Variants in SLC38A6 observed in about 807,000 individuals in gnomAD.
SLC38A6 encodes the protein solute carrier family 38 member 6, also known as N system amino acid transporter NAT-1.
In SLC38A6, 73 loss-of-function variants were observed where a neutral mutation model predicts 65.0. That is an observed-to-expected ratio of 1.12 (90% CI 0.93 to 1.37). The LOEUF is 1.37. Ranked by LOEUF, SLC38A6 falls within the 40% of genes most tolerant of loss-of-function variation. The probability of loss-of-function intolerance (pLI) is 0.00; values close to 1 mark genes in which losing one functional copy is unlikely to be tolerated. For missense variants in SLC38A6, 561 were observed against 531.1 expected, an observed-to-expected ratio of 1.06 and a Z score of -0.55; for synonymous variants, 183 against 178.8, an observed-to-expected ratio of 1.02 and a Z score of -0.19.
intron 5 of SLC38A6, among the ~76,000 whole-genome samples, chr14:61,020,745 T>C (rs2040303624): frequency 1.3e-5 from 2 of 152,194 alleles, no homozygotes; most frequent in Admixed American, 1.3e-4. Context: ...TTTTAAGATC[T>C]ATTTTGGAAT....
At chr14:60,981,708 C>T (rs2037040335) in intron 1 of SLC38A6, 6 of 1,328,888 alleles carry the variant, frequency 4.5e-6, no homozygotes, top group Middle Eastern at 2.0e-4. Flanking sequence ...ATTTTTGTCA[C>T]CTTATTTTCT....
intron 6 of SLC38A6, among the ~76,000 whole-genome samples, chr14:61,035,457 G>C (rs547588999): frequency 6.6e-6 from 1 of 152,154 alleles, no homozygotes; most frequent in East Asian, 1.9e-4. Flanking sequence ...GGTATATAGA[G>C]TTTTCCTCCA....
intron 3 of SLC38A6, among the ~76,000 whole-genome samples, chr14:61,014,573 C>A (rs1402992036): frequency 6.6e-6 from 1 of 152,130 alleles, no homozygotes; most frequent in Non-Finnish European, 1.5e-5. Context: ...GTGTGGATGT[C>A]CTTTCTGTTT....
At chr14:61,046,285 T>A in intron 12 of SLC38A6, 118 bp downstream of exon 12, 2 of 640,534 alleles carry the variant, frequency 3.1e-6, no homozygotes, top group Non-Finnish European at 5.5e-6. Flanking sequence ...GATCACCAAA[T>A]TACAATGCAG....
intron 2 of SLC38A6, among the ~76,000 whole-genome samples, chr14:60,983,101 T>C (rs1024278282): frequency 6.6e-6 from 1 of 152,254 alleles, no homozygotes; most frequent in Admixed American, 6.5e-5. Context: ...TTTCAGGACT[T>C]AGCTTGTAGG....
intron 4 of SLC38A6, among the ~76,000 whole-genome samples, chr14:61,018,551 G>C (rs1029498253): frequency 6.6e-6 from 1 of 152,156 alleles, no homozygotes; most frequent in Admixed American, 6.5e-5. Context: ...AATTCATGTA[G>C]AACTGAATGA....
chr14:60,989,307 C>T (rs1449026969), intron 3 of SLC38A6, among the ~76,000 whole-genome samples: 1 of 152,144 alleles, frequency 6.6e-6, no homozygotes, highest in Non-Finnish European at 1.5e-5. Context: ...TTTCTTGGCC[C>T]TTTTCTACCA....
At chr14:61,007,082 C>T (rs963303026) in intron 3 of SLC38A6, among the ~76,000 whole-genome samples, 1 of 152,058 alleles carries the variant, frequency 6.6e-6, no homozygotes, top group Non-Finnish European at 1.5e-5. Flanking sequence ...GACAAAAAAC[C>T]AAACACCACA....
At chr14:60,993,725 A>G (rs1036103270) in intron 3 of SLC38A6, among the ~76,000 whole-genome samples, 2 of 152,246 alleles carry the variant, frequency 1.3e-5, no homozygotes, top group Admixed American at 6.5e-5. Flanking sequence ...ATACCACTCA[A>G]TAAGCCTCTT....
intron 3 of SLC38A6, among the ~76,000 whole-genome samples, chr14:61,012,521 T>A (rs545829487): frequency 1.3e-5 from 2 of 152,306 alleles, no homozygotes; most frequent in Admixed American, 6.5e-5. Context: ...GTGGGCATTT[T>A]GTCCTATAAA....
chr14:60,984,214 A>G (rs2037287694), intron 2 of SLC38A6, among the ~76,000 whole-genome samples: 1 of 152,202 alleles, frequency 6.6e-6, no homozygotes, highest in African/African-American at 2.4e-5. Flanking sequence ...TTTGGTTTGG[A>G]GAGTGTGTGC....
At chr14:61,003,440 C>T (rs1175382306) in intron 3 of SLC38A6, among the ~76,000 whole-genome samples, 1 of 152,040 alleles carries the variant, frequency 6.6e-6, no homozygotes, top group African/African-American at 2.4e-5. Context: ...TGAAACAATA[C>T]CCCCTGAGTA....
chr14:61,047,460 A>C (rs1480353543), intron 12 of SLC38A6, among the ~76,000 whole-genome samples: 2 of 152,176 alleles, frequency 1.3e-5, no homozygotes, highest in East Asian at 3.8e-4. Context: ...TAGGTTGAGT[A>C]ATTAGACCAG....
intron 3 of SLC38A6, among the ~76,000 whole-genome samples, chr14:61,012,394 C>T (rs1229482577): frequency 6.6e-6 from 1 of 152,078 alleles, no homozygotes; most frequent in African/African-American, 2.4e-5. Context: ...TTCAGTTCTG[C>T]TCTGATCTTA....
chr14:61,070,626 A>G (rs1180272142), intron 15 of SLC38A6, among the ~76,000 whole-genome samples: 1 of 152,194 alleles, frequency 6.6e-6, no homozygotes, highest in African/African-American at 2.4e-5. Context: ...TTTTTTGAAG[A>G]ATCTCTATAC....
chr14:61,049,248 A>G (rs938827340), intron 12 of SLC38A6, among the ~76,000 whole-genome samples: 2 of 152,164 alleles, frequency 1.3e-5, no homozygotes, highest in African/African-American at 4.8e-5. Context: ...GCAGAACTGT[A>G]TTACTAGGTC....
Position 60,981,370 on chromosome 14 carries a change from G to A in SLC38A6, c.93G>A (p.Pro31=), listed in dbSNP as rs773085220. Residue 31 remains proline (P), a synonymous_variant, in exon 1 of 16, where the codon CCG becomes CCA. Coordinates refer to ENST00000267488, the MANE Select transcript of SLC38A6 (RefSeq NM_153811.3). ...PEEAEAEELS[P]LLSNELHRQR... ...AAGCGGAGGCCGAAGAGTTGAGTCC[G>A]TTGCTAAGCAACGTAAGTGGGCTGT... 6.2e-7 allele frequency: 1 copy of A among 1,602,456 alleles called. No individual in the cohort carries two copies. The highest frequency in any genetic ancestry group is 8.5e-7 in the Non-Finnish European group (1 of 1,174,660).
chr14:61,042,398 T>C (rs1289351084), intron 8 of SLC38A6, among the ~76,000 whole-genome samples: 2 of 152,188 alleles, frequency 1.3e-5, no homozygotes, highest in African/African-American at 4.8e-5. Flanking sequence ...ATTTACAGAG[T>C]AATTATGTGC....
chr14:61,017,351 T>G (rs896450989), intron 4 of SLC38A6, among the ~76,000 whole-genome samples: 3 of 152,200 alleles, frequency 2.0e-5, no homozygotes, highest in African/African-American at 7.2e-5. Context: ...AACTTTGTTT[T>G]TAAAGTACAA....
Sources: allele counts gnomAD v4.1 joint callset (sites outside exome capture counted in the v4.1 genomes callset), GRCh38; gene constraint gnomAD v4.1.1; transcripts MANE v1.5; gene names NCBI Gene and HGNC (gene_info 2026-07-23, HGNC 2026-07-21).